The following CSMD3 variants were observed in gnomAD, a reference collection of about 807,000 sequenced individuals.
CSMD3 encodes the protein CUB and Sushi multiple domains 3.
Under a neutral mutation model 435.2 loss-of-function variants are expected in CSMD3, and 177 were observed. The ratio of observed to expected loss-of-function variants is 0.41; its 90% confidence interval spans 0.36 to 0.46. CSMD3 has a LOEUF of 0.46. Among genes scored for constraint, CSMD3 ranks in the 20% least tolerant of loss-of-function variants. The pLI, the probability that CSMD3 is intolerant of heterozygous loss-of-function variation, is 0.34. For missense variants in CSMD3, 4,265 were observed against 4,504.6 expected (o/e 0.95, Z 1.52); for synonymous variants, 1,656 against 1,520.5 (o/e 1.09, Z -2.07).
At chr8:113,011,919 T>C (rs1388076615) in intron 6 of CSMD3, among the ~76,000 whole-genome samples, 1 of 151,850 alleles carries the variant, frequency 6.6e-6, no homozygotes, top group Non-Finnish European at 1.5e-5. Flanking sequence ...TCATAGACTG[T>C]CAGGTCCATA....
chr8:113,046,153 C>T (rs1477904234), intron 5 of CSMD3, among the ~76,000 whole-genome samples: 1 of 149,088 alleles, frequency 6.7e-6, no homozygotes, highest in Non-Finnish European at 1.5e-5. Flanking sequence ...AGTCAGCGGC[C>T]TCCTTCAGAC....
In CSMD3 at chr8:112,905,674, A is replaced by T. The variant is rs188269998; in HGVS notation, c.1633+15953T>A. Among the ~76,000 whole-genome samples, 292 of 151,548 alleles carry T rather than the reference A, an allele frequency of 1.9e-3. 3 individuals carry two copies. The highest frequency in any genetic ancestry group is 6.7e-3 in the African/African-American group (276 of 41,462). ...TTTCTTTCCTATAATGCAACTTACT[A>T]TATATGAGAATCCGATACTTGGTCC... On this transcript the variant is annotated intron_variant, in intron 10 of 70. Transcript: ENST00000297405.
chr8:112,466,683 A>G (rs1817986438), intron 32 of CSMD3, among the ~76,000 whole-genome samples: 1 of 152,164 alleles, frequency 6.6e-6, no homozygotes, highest in South Asian at 2.1e-4. Context: ...GAATACCTAA[A>G]TTCTCAGATT....
intron 22 of CSMD3, among the ~76,000 whole-genome samples, chr8:112,599,040 G>A (rs1257574367): frequency 6.7e-6 from 1 of 148,970 alleles, no homozygotes; most frequent in African/African-American, 2.5e-5. Flanking sequence ...AAACTAAAGA[G>A]CTTCTGCACA....
intron 3 of CSMD3, among the ~76,000 whole-genome samples, chr8:113,238,453 T>G (rs1212758834): frequency 6.6e-6 from 1 of 152,150 alleles, no homozygotes; most frequent in East Asian, 1.9e-4. Context: ...AGATGGGGAC[T>G]TCCTACCTTA....
At chr8:113,087,071 T>A (rs979334771) in intron 5 of CSMD3, among the ~76,000 whole-genome samples, 10 of 152,196 alleles carry the variant, frequency 6.6e-5, no homozygotes, top group African/African-American at 2.4e-4. Flanking sequence ...GGAGTTTATT[T>A]TTTTAAGAGT....
At chr8:112,405,120 T>C (rs1831664119) in intron 35 of CSMD3, among the ~76,000 whole-genome samples, 1 of 139,650 alleles carries the variant, frequency 7.2e-6, no homozygotes, top group South Asian at 2.3e-4. Context: ...GAGGCGGAAG[T>C]TGCAAGGGAG....
chr8:113,425,613 T>C (rs2094631820), intron 1 of CSMD3, among the ~76,000 whole-genome samples: 1 of 151,446 alleles, frequency 6.6e-6, no homozygotes, highest in African/African-American at 2.4e-5. Context: ...AACACAGATA[T>C]TAAAGGTTTT....
intron 3 of CSMD3, among the ~76,000 whole-genome samples, chr8:113,271,740 G>T (rs2093529206): frequency 6.6e-6 from 1 of 152,156 alleles, no homozygotes; most frequent in Admixed American, 6.5e-5. Context: ...TTAGTGAGCT[G>T]TGAGAAGAGG....
chr8:112,239,389 T>A (rs1490309286), intron 66 of CSMD3, among the ~76,000 whole-genome samples: 1 of 152,122 alleles, frequency 6.6e-6, no homozygotes, highest in Non-Finnish European at 1.5e-5. Flanking sequence ...TCATTTATAA[T>A]CCTGAGTCAA....
chr8:113,363,532 C>T (rs941898085), intron 1 of CSMD3, among the ~76,000 whole-genome samples: 2 of 152,224 alleles, frequency 1.3e-5, no homozygotes, highest in Admixed American at 6.5e-5. Context: ...GCCTTGTTCC[C>T]GGAGGCTCTA....
chr8:112,581,753 A>G (rs1830352217), intron 23 of CSMD3, among the ~76,000 whole-genome samples: 1 of 152,066 alleles, frequency 6.6e-6, no homozygotes, highest in Admixed American at 6.6e-5. Context: ...AAATTAAAGG[A>G]ATTAACTATG....
chr8:113,429,857 C>T (rs999283063), intron 1 of CSMD3, among the ~76,000 whole-genome samples: 3 of 151,928 alleles, frequency 2.0e-5, no homozygotes, highest in African/African-American at 7.3e-5. Context: ...TTGGCATTTG[C>T]GCTTATTGTA....
chr8:113,075,218 C>T (rs1228838666), intron 5 of CSMD3, among the ~76,000 whole-genome samples: 21 of 151,790 alleles, frequency 1.4e-4, no homozygotes, highest in African/African-American at 4.8e-4. Flanking sequence ...TTTTAATAAT[C>T]ATATAGAACA....
intron 12 of CSMD3, among the ~76,000 whole-genome samples, chr8:112,828,080 T>G (rs73344052): frequency 6.6e-6 from 1 of 152,208 alleles, no homozygotes; most frequent in African/African-American, 2.4e-5. Context: ...GTAAAATATA[T>G]GCAATTTTAT....
intron 66 of CSMD3, among the ~76,000 whole-genome samples, chr8:112,240,625 C>A (rs1034528030): frequency 2.0e-5 from 3 of 151,996 alleles, no homozygotes; most frequent in African/African-American, 7.2e-5. Flanking sequence ...AGGTGAAGAT[C>A]AGATATTATG....
intron 16 of CSMD3, among the ~76,000 whole-genome samples, chr8:112,673,255 T>C (rs2075698166): frequency 6.7e-6 from 1 of 149,740 alleles, no homozygotes; most frequent in Non-Finnish European, 1.5e-5. Context: ...GCATCATGGT[T>C]CAAAAAAAAA....
intron 4 of CSMD3, among the ~76,000 whole-genome samples, chr8:113,159,115 C>A (rs552885734): frequency 6.6e-6 from 1 of 151,930 alleles, no homozygotes; most frequent in Non-Finnish European, 1.5e-5. Context: ...TAAATGTTTA[C>A]AAATATTTTT....
At chr8:113,119,078 G>A (rs1334223589) in intron 4 of CSMD3, among the ~76,000 whole-genome samples, 1 of 152,162 alleles carries the variant, frequency 6.6e-6, no homozygotes, top group East Asian at 1.9e-4. Context: ...AATTTGAAGA[G>A]TTCTACAGAG....
Sources: allele counts gnomAD v4.1 joint callset (sites outside exome capture counted in the v4.1 genomes callset), GRCh38; gene constraint gnomAD v4.1.1; transcripts MANE v1.5; gene names NCBI Gene and HGNC (gene_info 2026-07-23, HGNC 2026-07-21).